Variants in ZFYVE16 observed in about 807,000 individuals in gnomAD.
The protein encoded by ZFYVE16 is zinc finger FYVE-type containing 16.
Under a neutral mutation model 138.1 loss-of-function variants are expected in ZFYVE16, and 89 were observed. The observed-to-expected ratio is 0.64, with a 90% CI of 0.54 to 0.77. The LOEUF is 0.77. Ranked by LOEUF, ZFYVE16 falls within the 30% of genes least tolerant of loss-of-function variation. The pLI is 0.00. For synonymous variants in ZFYVE16, 596 were observed against 618.3 expected (o/e 0.96, Z 0.53); for missense variants, 1,793 against 1,786.7 (o/e 1.00, Z -0.06).
At position 80,436,872 on chromosome 5, in the gene ZFYVE16, G is replaced by A. The variant is rs148793646; in HGVS notation, c.187G>A (p.Val63Ile). Residue 63 changes from valine to isoleucine, a missense_variant, in exon 4 of 19, where the codon GTT becomes ATT. By Grantham distance (29) the Val-to-Ile change is conservative. Transcript: ENST00000505560. ...ATTGCTCCCAAAAGACCAAGAGTGC[G>A]TTAATAGTTGTGCCTCATCAGAAAC... ...TSLLPKDQECVNSCASSETSY... is the reference protein window; with the variant it reads ...TSLLPKDQECINSCASSETSY... The A allele has an allele frequency of 5.4e-4, 873 of 1,614,096 alleles. No homozygotes were observed. Among genetic ancestry groups the A allele is most frequent in the East Asian group, 1.4e-3 (64 of 44,868 alleles).
chr5:80,474,905 T>G, intron 18 of ZFYVE16, 75 bp downstream of exon 18: 1 of 1,497,794 alleles, frequency 6.7e-7, no homozygotes, highest in Non-Finnish European at 9.0e-7. Flanking sequence ...AACCTTTTAT[T>G]TTGGGATGAA....
intron 2 of ZFYVE16, among the ~76,000 whole-genome samples, chr5:80,431,219 A>G (rs1325329784): frequency 1.3e-5 from 2 of 152,238 alleles, no homozygotes; most frequent in Non-Finnish European, 2.9e-5. Flanking sequence ...ATCCAACAGT[A>G]CATCAAAAAG....
chr5:80,413,471 C>CA (rs70988468), intron 1 of ZFYVE16, among the ~76,000 whole-genome samples: 99,096 of 124,276 alleles, frequency 0.8, 40,805 homozygotes, highest in East Asian at 0.91. Context: ...AACTTCATCT[C>CA]AAAAAAAAAA....
At position 80,477,395 on chromosome 5, in the gene ZFYVE16, T is replaced by C; in HGVS notation, c.*18T>C. ...TTTTTTAGTGAAAGAATGTGCCATATTACATATTGCAACCTAATTTGTTAA... is the reference window on the plus strand; with the variant it reads ...TTTTTTAGTGAAAGAATGTGCCATACTACATATTGCAACCTAATTTGTTAA... On this transcript the variant is annotated 3_prime_UTR_variant, in exon 19 of 19. Transcript: ENST00000505560. The C allele has an allele frequency of 6.3e-7, 1 of 1,594,498 alleles. No homozygotes were observed. Among genetic ancestry groups the C allele is most frequent in the Non-Finnish European group, 8.5e-7 (1 of 1,173,992 alleles).
At chr5:80,436,645 C>CTA (rs1749948659) in intron 3 of ZFYVE16, 111 bp from the exon 4 acceptor site, 1 of 976,332 alleles carries the variant, frequency 1.0e-6, no homozygotes, top group Non-Finnish European at 1.5e-6. Flanking sequence ...AAAGGATAAT[C>CTA]TATGTTCTTT....
intron 18 of ZFYVE16, among the ~76,000 whole-genome samples, chr5:80,476,875 T>TG (rs1377298253): frequency 5.9e-5 from 9 of 152,342 alleles, no homozygotes; most frequent in Admixed American, 3.9e-4. Context: ...AAATTTGAAA[T>TG]ATTTCAAGTA....
intron 15 of ZFYVE16, among the ~76,000 whole-genome samples, chr5:80,470,939 T>TA (rs113428910): frequency 0.78 from 117,481 of 151,480 alleles, 48,717 homozygotes; most frequent in East Asian, 0.92. Context: ...CAGGACTGTG[T>TA]AAAGACAATG....
intron 15 of ZFYVE16, among the ~76,000 whole-genome samples, chr5:80,463,692 C>G (rs548057144): frequency 5.3e-5 from 8 of 152,184 alleles, no homozygotes; most frequent in Non-Finnish European, 1.2e-4. Flanking sequence ...CTTTTATGCT[C>G]TGCTTCCCTT....
In ZFYVE16 at chr5:80,438,398, T is replaced by C; in HGVS notation, c.1713T>C (p.Asp571=). ...MNQIDMKGLD[D]GNINNIYFNA... is the part of the protein sequence containing the mutation. ...AGATAGATATGAAAGGCTTAGATGA[T>C]GGAAACATCAATAATATATATTTCA... Residue 571 remains aspartate, a synonymous_variant, in exon 4 of 19, where the codon GAT becomes GAC. Coordinates refer to ENST00000505560, the MANE Select transcript of ZFYVE16 (RefSeq NM_001284236.3). The C allele has an allele frequency of 3.1e-6, 5 of 1,613,918 alleles. No individual in the cohort carries two copies. Among genetic ancestry groups the C allele is most frequent in the Non-Finnish European group, 3.4e-6 (4 of 1,179,924 alleles).
chr5:80,439,910 C>T, intron 4 of ZFYVE16, 26 bp from the exon 5 acceptor site: 1 of 1,583,968 alleles, frequency 6.3e-7, no homozygotes, highest in Non-Finnish European at 8.6e-7. Flanking sequence ...GAAACAAAGA[C>T]AAATTTGATA....
intron 14 of ZFYVE16, 138 bp from the exon 15 acceptor site, chr5:80,459,276 T>A: frequency 1.7e-6 from 1 of 588,686 alleles, no homozygotes; most frequent in South Asian, 3.0e-5. Context: ...TTTGTCTTTT[T>A]AATTAGTTTT....
chr5:80,445,277 G>T lies in ZFYVE16; in HGVS notation c.2596G>T (p.Glu866Ter), dbSNP rs772635394. Residue 866 changes from glutamate (E) to a stop codon, truncating the protein, a stop_gained, in exon 7 of 19, where the codon GAA becomes TAA. Transcript: ENST00000505560. LOFTEE classifies it high-confidence loss of function. ...ATTGATTCTAGGACTATGTTCCAAA[G>T]AACAGAAGAGAGTATGGTTTGCAGA... Reference protein sequence around the residue: ...QPGVEGLCSKEQKRVWFADGI... With the variant: ...QPGVEGLCSK 2 of 1,613,266 alleles carry T rather than the reference G, an allele frequency of 1.2e-6. No individual in the cohort carries two copies. Among genetic ancestry groups the T allele is most frequent in the Non-Finnish European group, 8.5e-7 (1 of 1,179,720 alleles).
At chr5:80,425,815 G>T (rs901631658) in intron 1 of ZFYVE16, among the ~76,000 whole-genome samples, 1 of 152,088 alleles carries the variant, frequency 6.6e-6, no homozygotes, top group Non-Finnish European at 1.5e-5. Flanking sequence ...TGATTGTTGG[G>T]TTTGGATGTG....
chr5:80,461,662 C>G (rs1366490652), intron 15 of ZFYVE16, among the ~76,000 whole-genome samples: 6 of 152,098 alleles, frequency 3.9e-5, no homozygotes, highest in Non-Finnish European at 8.8e-5. Context: ...GCTCCAGTAT[C>G]TCTTCTTCTT....
At chr5:80,450,270 T>C (rs1402021725) in intron 9 of ZFYVE16, among the ~76,000 whole-genome samples, 161 bp from the exon 10 acceptor site, 1 of 14,150 alleles carries the variant, frequency 7.1e-5, no homozygotes, top group African/African-American at 7.9e-5. Context: ...TCCTTTTTCT[T>C]ACTTTATATA....
chr5:80,411,072 A>T (rs1314545309), intron 1 of ZFYVE16, among the ~76,000 whole-genome samples: 1 of 148,134 alleles, frequency 6.8e-6, no homozygotes, highest in Admixed American at 6.8e-5. Context: ...GGTTCAAGCG[A>T]TTCTCCTGCT....
rs1752597377 is a variant in ZFYVE16 at position 80,457,047 on chromosome 5, AT to A, written c.3901del (p.Tyr1301MetfsTer15). ...TCTAGTCTGTATACAGAATGATGGAATTTATGAAACACAGGCCAACAGTGCC... is the reference window on the plus strand; with the variant it reads ...TCTAGTCTGTATACAGAATGATGGAATTATGAAACACAGGCCAACAGTGCC... Reference protein sequence around the residue: ...SHLVCIQNDGIYETQANSATG... With the variant: ...SHLVCIQNDGXYETQANSATG... On this transcript the variant is annotated frameshift_variant, in exon 14 of 19. Transcript: ENST00000505560. LOFTEE classifies it high-confidence loss of function. 2 of 1,612,836 alleles carry A rather than the reference AT, an allele frequency of 1.2e-6. No individual in the cohort carries two copies. Among genetic ancestry groups the A allele is most frequent in the Non-Finnish European group, 1.7e-6 (2 of 1,179,594 alleles).
chr5:80,441,422 C>G, intron 5 of ZFYVE16: 7 of 985,226 alleles, frequency 7.1e-6, no homozygotes, highest in Non-Finnish European at 7.2e-6. Flanking sequence ...ATTTTGATGT[C>G]TTATAGCATA....
At chr5:80,408,740 A>T (rs1312775271) in intron 1 of ZFYVE16, among the ~76,000 whole-genome samples, 1 of 152,168 alleles carries the variant, frequency 6.6e-6, no homozygotes, top group Non-Finnish European at 1.5e-5. Flanking sequence ...TTTAACTCTT[A>T]TTTGTACTAT....
Sources: gnomAD v4.1 joint callset for allele counts (sites outside exome capture counted in the v4.1 genomes callset) on GRCh38, gnomAD v4.1.1 for gene constraint, MANE v1.5 for transcripts, NCBI Gene and HGNC (gene_info 2026-07-23, HGNC 2026-07-21) for gene names.